The following ZNF341 variants were observed in gnomAD, a reference collection of about 807,000 sequenced individuals.
The protein encoded by ZNF341 is zinc finger protein 341.
Under a neutral mutation model 87.7 loss-of-function variants are expected in ZNF341, and 52 were observed. The ratio of observed to expected loss-of-function variants is 0.59; its 90% CI spans 0.47 to 0.75. The LOEUF (loss-of-function observed/expected upper bound fraction) is 0.75, where lower values mean the gene tolerates loss of function less well. Ranked by LOEUF, ZNF341 falls within the 30% of genes least tolerant of loss-of-function variation. The pLI is 0.00. For missense variants in ZNF341, 977 were observed against 1,145.9 expected, an observed-to-expected ratio of 0.85 and a Z score of 2.13; for synonymous variants, 459 against 472.7, an observed-to-expected ratio of 0.97 and a Z score of 0.38.
chr20:33,743,335 ATTTTTTTTT>A (rs143611794), intron 2 of ZNF341, among the ~76,000 whole-genome samples: 1 of 108,092 alleles, frequency 9.3e-6, no homozygotes, highest in African/African-American at 3.9e-5. Context: ...ACCCTGCCCA[ATTTTTTTTT>A]TTTTTTTTTT....
At chr20:33,782,937 C>T (rs1481963163) in intron 11 of ZNF341, among the ~76,000 whole-genome samples, 1 of 152,020 alleles carries the variant, frequency 6.6e-6, no homozygotes, top group Non-Finnish European at 1.5e-5. Flanking sequence ...GGGTGGATCA[C>T]CTGAGGTCAG....
chr20:33,745,065 T>A, intron 2 of ZNF341, 38 bp from the exon 3 acceptor site: 1 of 1,575,704 alleles, frequency 6.3e-7, no homozygotes, highest in Non-Finnish European at 8.7e-7. Context: ...TACCTTCATC[T>A]GTGGCCTCTT....
chr20:33,777,466 A>G (rs1446598087), intron 10 of ZNF341, among the ~76,000 whole-genome samples: 1 of 151,758 alleles, frequency 6.6e-6, no homozygotes, highest in Non-Finnish European at 1.5e-5. Flanking sequence ...GAAATGCCGT[A>G]TCTACTAAAT....
chr20:33,772,215 A>G (rs1181326384), intron 10 of ZNF341, among the ~76,000 whole-genome samples: 1 of 152,058 alleles, frequency 6.6e-6, no homozygotes, highest in Admixed American at 6.6e-5. Flanking sequence ...ATTTTGCTGT[A>G]CATTTGCCTG....
At chr20:33,785,946 C>T (rs1187427365) in intron 12 of ZNF341, among the ~76,000 whole-genome samples, 1 of 148,478 alleles carries the variant, frequency 6.7e-6, no homozygotes, top group Non-Finnish European at 1.5e-5. Flanking sequence ...TTGTTACCAA[C>T]AGCACCTTCT....
intron 7 of ZNF341, among the ~76,000 whole-genome samples, chr20:33,759,574 G>A (rs1418123960): frequency 6.6e-5 from 10 of 152,134 alleles, no homozygotes; most frequent in African/African-American, 2.4e-4. Flanking sequence ...GTGAGCCACC[G>A]TGCCTGGCCG....
chr20:33,749,459 A>AT (rs545198282), intron 4 of ZNF341, among the ~76,000 whole-genome samples: 5 of 151,070 alleles, frequency 3.3e-5, no homozygotes, highest in Non-Finnish European at 5.9e-5. Context: ...CAGCCAGCTA[A>AT]TTTTTTTTTG....
chr20:33,745,883 A>G (rs59392752), intron 3 of ZNF341, among the ~76,000 whole-genome samples: 6,749 of 149,664 alleles, frequency 0.045, 509 homozygotes, highest in African/African-American at 0.16. Flanking sequence ...GGGAGGTGCT[A>G]GGAGAGGCAG....
chr20:33,778,245 C>A (rs2122720728), intron 10 of ZNF341, among the ~76,000 whole-genome samples: 1 of 152,208 alleles, frequency 6.6e-6, no homozygotes, highest in South Asian at 2.1e-4. Context: ...TACCTCTGCT[C>A]CCACCCCACC....
At position 33,790,848 on chromosome 20, in the gene ZNF341, C is replaced by T. The variant is rs2019996682; in HGVS notation, c.2036-140C>T. ...GGCGCAGAGAGTGGCTGGAAGAAGG[C>T]AGACGACGAGGGTGGAGAGAGCTGG... On this transcript the variant is annotated intron_variant, in intron 14 of 14. Coordinates refer to ENST00000375200, the MANE Select transcript of ZNF341 (RefSeq NM_001282933.2). The T allele has an allele frequency of 4.9e-6, 5 of 1,028,560 alleles. 1 individual carries two copies. In the South Asian group the frequency reaches 8.5e-5, roughly 17 times the overall value. The allele number at this position is 1,028,560 out of a possible 1,614,324, so 63.7% of individuals were successfully genotyped here.
chr20:33,751,909 C>G (rs1327986664), intron 4 of ZNF341, among the ~76,000 whole-genome samples: 1 of 152,120 alleles, frequency 6.6e-6, no homozygotes, highest in Non-Finnish European at 1.5e-5. Flanking sequence ...ATGTAGGTGA[C>G]CAGCCACCAT....
intron 4 of ZNF341, among the ~76,000 whole-genome samples, chr20:33,750,322 C>T (rs991761463): frequency 6.6e-6 from 1 of 152,168 alleles, no homozygotes; most frequent in African/African-American, 2.4e-5. Flanking sequence ...TTTACTTCTC[C>T]CCTTGCTGTG....
chr20:33,771,945 G>T (rs562658980), intron 10 of ZNF341, among the ~76,000 whole-genome samples: 1 of 141,530 alleles, frequency 7.1e-6, no homozygotes, highest in Admixed American at 7.6e-5. Flanking sequence ...AGCCCAGGAG[G>T]TTAAGGCTGC....
At position 33,777,839 on chromosome 20, in the gene ZNF341, G is replaced by A. The variant is rs188139874; in HGVS notation, c.1623-3452G>A. ...CGTCTCTCTTGTGTCCTATAAGCTG[G>A]AACAGTTCCTCCTTCTGTCTTTGTC... is the stretch of plus-strand genomic sequence containing the variant. On this transcript the variant is annotated intron_variant, in intron 10 of 14. Coordinates refer to ENST00000375200, the MANE Select transcript of ZNF341 (RefSeq NM_001282933.2). Among the ~76,000 whole-genome samples the A allele has an allele frequency of 2.3e-3, 356 of 152,166 alleles. 3 individuals carry two copies. The highest frequency in any genetic ancestry group is 8.0e-3 in the African/African-American group (333 of 41,508).
chr20:33,769,377 G>GT (rs1012783620), intron 9 of ZNF341, among the ~76,000 whole-genome samples: 10 of 133,950 alleles, frequency 7.5e-5, no homozygotes, highest in Non-Finnish European at 1.2e-4. Flanking sequence ...GGTGGTGGTG[G>GT]GGGGGGGGGC....
chr20:33,752,041 A>G (rs1420262000), intron 4 of ZNF341: 2 of 374,838 alleles, frequency 5.3e-6, no homozygotes, highest in Non-Finnish European at 1.0e-5. Context: ...AATAAGCCTT[A>G]TCAACAAAGG....
intron 5 of ZNF341, among the ~76,000 whole-genome samples, chr20:33,754,047 GC>G (rs2019119645): frequency 6.6e-6 from 1 of 152,170 alleles, no homozygotes; most frequent in Non-Finnish European, 1.5e-5. Context: ...TGGTGGAGGT[GC>G]AAAAATGCAG....
intron 1 of ZNF341, among the ~76,000 whole-genome samples, chr20:33,733,927 G>A (rs2018630009): frequency 6.6e-6 from 1 of 152,246 alleles, no homozygotes; most frequent in Non-Finnish European, 1.5e-5. Flanking sequence ...GCAGGAGGTG[G>A]TGGATCAGGA....
intron 3 of ZNF341, among the ~76,000 whole-genome samples, chr20:33,746,061 G>C (rs1335394880): frequency 1.3e-5 from 2 of 150,174 alleles, no homozygotes; most frequent in African/African-American, 4.9e-5. Context: ...CTCCCAAGTA[G>C]CTGGGACTAC....
Sources: allele counts gnomAD v4.1 joint callset (sites outside exome capture counted in the v4.1 genomes callset), GRCh38; gene constraint gnomAD v4.1.1; transcripts MANE v1.5; gene names NCBI Gene and HGNC (gene_info 2026-07-23, HGNC 2026-07-21).